Variants in ZNF804B observed in about 807,000 individuals in gnomAD.
The protein encoded by ZNF804B is zinc finger protein 804B, also known as zinc finger 804B.
Under a neutral mutation model 101.4 loss-of-function variants are expected in ZNF804B, and 80 were observed. The observed-to-expected ratio is 0.79, with a 90% CI of 0.66 to 0.95. The LOEUF (loss-of-function observed/expected upper bound fraction) is 0.95. Among genes scored for constraint, ZNF804B ranks in the 40% least tolerant of loss-of-function variants. ZNF804B has a pLI of 0.00. For missense variants in ZNF804B, 1,673 were observed against 1,561.9 expected, an observed-to-expected ratio of 1.07 and a Z score of -1.20; for synonymous variants, 622 against 558.8, an observed-to-expected ratio of 1.11 and a Z score of -1.59.
At chr7:88,854,608 C>T (rs781021638) in intron 1 of ZNF804B, among the ~76,000 whole-genome samples, 1 of 130,684 alleles carries the variant, frequency 7.7e-6, no homozygotes, top group Admixed American at 8.6e-5. Flanking sequence ...TCCCTTTCTT[C>T]GCTTTTTTTT....
chr7:89,078,146 C>T (rs114284959), intron 1 of ZNF804B, among the ~76,000 whole-genome samples: 1,868 of 152,134 alleles, frequency 0.012, 41 homozygotes, highest in African/African-American at 0.043. Flanking sequence ...ATTTGGAATT[C>T]CTTCCTGTCT....
intron 1 of ZNF804B, among the ~76,000 whole-genome samples, chr7:88,776,387 G>C (rs1790139243): frequency 1.3e-5 from 2 of 152,088 alleles, no homozygotes. Context: ...GAGAAGTTCA[G>C]GCATGAGGGC....
chr7:89,219,923 A>G (rs62470301), intron 2 of ZNF804B, among the ~76,000 whole-genome samples: 1,751 of 131,214 alleles, frequency 0.013, 5 homozygotes, highest in Middle Eastern at 0.04. Context: ...ATATGTATAT[A>G]CATATATGTG....
At chr7:88,905,695 A>G (rs966461146) in intron 1 of ZNF804B, among the ~76,000 whole-genome samples, 2 of 151,958 alleles carry the variant, frequency 1.3e-5, no homozygotes, top group Admixed American at 6.6e-5. Flanking sequence ...TTTTGCATCT[A>G]TGTTCATCAG....
rs201597943 is a variant in ZNF804B, at chr7:89,208,081, G to GTTTTTTTTTTT, written c.109-10074_109-10073insTTTTTTTTTTT. Among the ~76,000 whole-genome samples, 2 of 135,422 alleles carry GTTTTTTTTTTT rather than the reference G, an allele frequency of 1.5e-5. 1 individual carries two copies. 88.8% of individuals were successfully genotyped at this position (135,422 alleles called of 152,430 possible). A position where few individuals can be genotyped will look rare whatever the true frequency, so the allele number is the denominator to read the frequency against. Reference sequence around the variant, plus strand: ...GTGTGTTATATTTACTATTTTATTGGGTTTTTTTTTTTTTTTTTGAGACAG... The same window carrying GTTTTTTTTTTT: ...GTGTGTTATATTTACTATTTTATTGGTTTTTTTTTTTGTTTTTTTTTTTTTTTTTGAGACAG... On this transcript the variant is annotated intron_variant, in intron 1 of 3. Transcript: ENST00000333190.
At chr7:89,199,501 A>G (rs537548681) in intron 1 of ZNF804B, among the ~76,000 whole-genome samples, 1 of 152,068 alleles carries the variant, frequency 6.6e-6, no homozygotes, top group South Asian at 2.1e-4. Flanking sequence ...TACTATACTA[A>G]GTATTTACTT....
At chr7:89,277,812 G>T (rs757689451) in intron 2 of ZNF804B, among the ~76,000 whole-genome samples, 48 of 151,830 alleles carry the variant, frequency 3.2e-4, no homozygotes, top group Admixed American at 3.3e-4. Flanking sequence ...ATAAACATAC[G>T]TGTGCATGTG....
chr7:89,046,658 G>A (rs1394042175), intron 1 of ZNF804B, among the ~76,000 whole-genome samples: 1 of 152,002 alleles, frequency 6.6e-6, no homozygotes, highest in Non-Finnish European at 1.5e-5. Context: ...TAGAAGATAT[G>A]TTTCTGATCT....
At chr7:88,859,811 AGAT>A (rs1562814721) in intron 1 of ZNF804B, among the ~76,000 whole-genome samples, 1 of 151,952 alleles carries the variant, frequency 6.6e-6, no homozygotes, top group Non-Finnish European at 1.5e-5. Context: ...ATTATATAAT[AGAT>A]ATCTGAGTAT....
At chr7:88,846,087 A>G (rs922511122) in intron 1 of ZNF804B, among the ~76,000 whole-genome samples, 31 of 152,208 alleles carry the variant, frequency 2.0e-4, no homozygotes, top group African/African-American at 5.5e-4. Flanking sequence ...CTGGCAGAAC[A>G]TTTTGCATTA....
chr7:89,113,823 C>A (rs1267132545), intron 1 of ZNF804B, among the ~76,000 whole-genome samples: 1 of 151,842 alleles, frequency 6.6e-6, no homozygotes, highest in Non-Finnish European at 1.5e-5. Context: ...TGGTGGCATG[C>A]CTGTAATCCT....
At chr7:88,799,783 G>A (rs902513458) in intron 1 of ZNF804B, among the ~76,000 whole-genome samples, 2 of 151,926 alleles carry the variant, frequency 1.3e-5, no homozygotes, top group African/African-American at 4.8e-5. Flanking sequence ...GACAGAGCAG[G>A]GAAAAACAAT....
At chr7:88,904,850 G>C (rs74695106) in intron 1 of ZNF804B, among the ~76,000 whole-genome samples, 1 of 152,088 alleles carries the variant, frequency 6.6e-6, no homozygotes, top group African/African-American at 2.4e-5. Flanking sequence ...AGTCTTTTGC[G>C]AGTTTTTAGG....
At chr7:88,764,572 A>G (rs992376437) in intron 1 of ZNF804B, among the ~76,000 whole-genome samples, 1 of 152,180 alleles carries the variant, frequency 6.6e-6, no homozygotes, top group Non-Finnish European at 1.5e-5. Flanking sequence ...TTACAAATGT[A>G]TATCTATAAA....
chr7:89,002,585 A>T (rs1205849198), intron 1 of ZNF804B, among the ~76,000 whole-genome samples: 3 of 151,910 alleles, frequency 2.0e-5, no homozygotes, highest in African/African-American at 4.8e-5. Flanking sequence ...TCTTTTTTAT[A>T]ACTACTAGAG....
chr7:89,281,125 G>A (rs2115869891), intron 2 of ZNF804B, among the ~76,000 whole-genome samples: 1 of 152,240 alleles, frequency 6.6e-6, no homozygotes, highest in South Asian at 2.1e-4. Context: ...ATTGTGGAAT[G>A]CATTACTTTA....
intron 1 of ZNF804B, among the ~76,000 whole-genome samples, chr7:88,882,599 A>G (rs1399876772): frequency 6.6e-6 from 1 of 152,186 alleles, no homozygotes; most frequent in Non-Finnish European, 1.5e-5. Context: ...ACTATTCACA[A>G]TAACAAAGAC....
rs1448837484 is a variant in ZNF804B, at chr7:88,877,022, AT to A, written c.108+116939del. 8.8e-4 allele frequency among the ~76,000 whole-genome samples: 61 copies of A among 69,334 alleles called. No individual in the cohort carries two copies. In the East Asian group the frequency reaches 9.4e-3, roughly 11 times the overall value. The allele number at this position is 69,334 out of a possible 152,430, so 45.5% of individuals were successfully genotyped here. On this transcript the variant is annotated intron_variant, in intron 1 of 3. Transcript: ENST00000333190. ...TGAAAAAAAAAATATATATATATATATATAATATATATATATATATATATAT... is the reference window on the plus strand; with the variant it reads ...TGAAAAAAAAAATATATATATATATAATAATATATATATATATATATATAT...
In ZNF804B at chr7:89,200,494, C is replaced by A. The variant is rs574999471; in HGVS notation, c.109-17661C>A. On this transcript the variant is annotated intron_variant, in intron 1 of 3. Coordinates refer to ENST00000333190, the MANE Select transcript of ZNF804B (RefSeq NM_181646.5). ...ATGTCTCATGACGACAAACTTCTTA[C>A]CAAGGAGCACTGATGATTTTGATCA... Among the ~76,000 whole-genome samples, 4 of 152,054 alleles carry A rather than the reference C, an allele frequency of 2.6e-5. No homozygotes were observed. The South Asian group carries it at 6.2e-4, about 24-fold the overall frequency.
Sources: gnomAD v4.1 joint callset for allele counts (sites outside exome capture counted in the v4.1 genomes callset) on GRCh38, gnomAD v4.1.1 for gene constraint, MANE v1.5 for transcripts, NCBI Gene and HGNC (gene_info 2026-07-23, HGNC 2026-07-21) for gene names.